TXNL4A: variants seen among roughly 807,000 people sequenced by gnomAD.
TXNL4A encodes the protein thioredoxin like 4A.
A neutral mutation model predicts 14.6 loss-of-function variants in TXNL4A; 17 were observed. The ratio of observed to expected loss-of-function variants is 1.16; its 90% CI spans 0.80 to 1.74. TXNL4A has a LOEUF of 1.74. Ranked by LOEUF, TXNL4A falls within the 40% of genes most tolerant of loss-of-function variation. The probability of loss-of-function intolerance (pLI) is 0.00; values close to 1 mark genes in which losing one functional copy is unlikely to be tolerated. For missense variants in TXNL4A, 74 were observed against 195.2 expected (o/e 0.38, Z 3.70); for synonymous variants, 83 against 70.6 (o/e 1.18, Z -0.88).
At chr18:80,005,156 T>TG (rs2051721503) in intron 1 of TXNL4A, among the ~76,000 whole-genome samples, 1 of 152,182 alleles carries the variant, frequency 6.6e-6, no homozygotes, top group South Asian at 2.1e-4. Context: ...GATGATCTCC[T>TG]GGGGGAACAG....
rs1260290122 is a variant in TXNL4A at position 79,988,406 on chromosome 18, C to T, written c.-14G>A. 9 of 1,436,886 alleles carry T rather than the reference C, an allele frequency of 6.3e-6. No individual in the cohort carries two copies. 89.0% of individuals were successfully genotyped at this position (1,436,886 alleles called of 1,614,324 possible). ...CATGTACGACATGGCGGCCCGCGCG[C>T]TCGCCGCCGCCCAAGGCGGGGCGCC... On this transcript the variant is annotated 5_prime_UTR_variant, in exon 1 of 3. Coordinates refer to ENST00000269601, the MANE Select transcript of TXNL4A (RefSeq NM_006701.5).
At chr18:79,975,207 T>C (rs1251995450) in intron 2 of TXNL4A, among the ~76,000 whole-genome samples, 1 of 152,178 alleles carries the variant, frequency 6.6e-6, no homozygotes, top group East Asian at 1.9e-4. Flanking sequence ...CCCCTGCTAA[T>C]TTACTCAGCT....
rs537354627 is a variant in TXNL4A, at chr18:79,983,605, T to C, written c.153+4635A>G. On this transcript the variant is annotated intron_variant, in intron 1 of 2. Coordinates refer to ENST00000269601, the MANE Select transcript of TXNL4A (RefSeq NM_006701.5). ...CTGGGCAGTTGATTAGCACAACAAATTTTTGAAGTGTTTATTTTTACATTT... is the reference window on the plus strand; with the variant it reads ...CTGGGCAGTTGATTAGCACAACAAACTTTTGAAGTGTTTATTTTTACATTT... Among the ~76,000 whole-genome samples, 13 of 152,332 alleles carry C rather than the reference T, an allele frequency of 8.5e-5. No homozygotes were observed. In the South Asian group the frequency reaches 2.7e-3, roughly 32 times the overall value.
chr18:79,988,587 G>A (rs1363977385), upstream of TXNL4A: 8 of 477,634 alleles, frequency 1.7e-5, no homozygotes, highest in African/African-American at 1.6e-4. Context: ...CCGACGCCGT[G>A]CGTGCTGACG....
intron 2 of TXNL4A, among the ~76,000 whole-genome samples, chr18:79,975,782 C>T (rs931318448): frequency 3.3e-5 from 5 of 152,000 alleles, no homozygotes; most frequent in Admixed American, 3.3e-4. Flanking sequence ...AGCTCAAAAG[C>T]AACACACTCG....
In TXNL4A at chr18:79,988,507, A is replaced by C; in HGVS notation, c.-115T>G. The C allele has an allele frequency of 4.3e-6, 5 of 1,156,248 alleles. No individual in the cohort carries two copies. The highest frequency in any genetic ancestry group is 5.5e-6 in the Non-Finnish European group (5 of 914,988). 71.6% of individuals were successfully genotyped at this position (1,156,248 alleles called of 1,614,324 possible). On this transcript the variant is annotated 5_prime_UTR_variant, in exon 1 of 3. Transcript: ENST00000269601. Reference sequence around the variant, plus strand: ...CGCCGCCCCCGGGCCCACGGACGAAATCCGGTCCCGCCCGCACACGCAAAC... The same window carrying C: ...CGCCGCCCCCGGGCCCACGGACGAACTCCGGTCCCGCCCGCACACGCAAAC...
rs143167677 is a variant in TXNL4A at position 80,029,907 on chromosome 18, T to C, written c.-61+3944A>G. On this transcript the variant is annotated intron_variant, in intron 1 of 2. Coordinates refer to the TXNL4A transcript ENST00000585474. ...AAGATTTGATAAAGAATTCCTTTCA[T>C]AGTGTGCTCCATGAAGATAAGGTGC... 1.6e-4 allele frequency among the ~76,000 whole-genome samples: 25 copies of C among 152,336 alleles called. No individual in the cohort carries two copies. In the East Asian group the frequency reaches 4.2e-3, roughly 26 times the overall value.
chr18:80,006,849 C>T (rs2051734626), intron 1 of TXNL4A, among the ~76,000 whole-genome samples: 1 of 152,140 alleles, frequency 6.6e-6, no homozygotes. Flanking sequence ...ACCAGGTGTG[C>T]CATTTACATA....
In TXNL4A at chr18:80,011,754, C is replaced by T. The variant is rs942792458; in HGVS notation, c.-61+22097G>A. Among the ~76,000 whole-genome samples the T allele has an allele frequency of 2.0e-5, 3 of 152,018 alleles. No individual in the cohort carries two copies. Among genetic ancestry groups the T allele is most frequent in the Non-Finnish European group, 2.9e-5 (2 of 68,014 alleles). ...TCCTGAAACCCACTCCCACCTTTTC[C>T]GTCCCTATAAGTTAAAGATCTTTTT... On this transcript the variant is annotated intron_variant, in intron 1 of 2. Transcript: ENST00000585474. This position sits in a 1 kb window ranked among gnomAD's most constrained non-coding sequence, Gnocchi z 4.1.
intron 2 of TXNL4A, chr18:79,976,930 A>C: frequency 2.8e-6 from 1 of 360,200 alleles, no homozygotes; most frequent in African/African-American, 2.2e-5. Context: ...AGGACACCGA[A>C]GTTGATGATA....
intron 1 of TXNL4A, among the ~76,000 whole-genome samples, chr18:80,001,636 G>A (rs546284387): frequency 2.0e-5 from 3 of 152,332 alleles, no homozygotes; most frequent in Middle Eastern, 3.4e-3. Flanking sequence ...GAGACATGGT[G>A]TCAAAGGAGG....
At chr18:80,003,130 T>C (rs1436434558) in intron 1 of TXNL4A, among the ~76,000 whole-genome samples, 2 of 152,260 alleles carry the variant, frequency 1.3e-5, no homozygotes, top group African/African-American at 4.8e-5. Flanking sequence ...TCTGCTGTCT[T>C]GGCTCCTGGG....
At chr18:79,997,244 C>G (rs936002374) in intron 1 of TXNL4A, among the ~76,000 whole-genome samples, 2 of 151,896 alleles carry the variant, frequency 1.3e-5, no homozygotes, top group Non-Finnish European at 2.9e-5. Context: ...CCTGAAGAAC[C>G]CCCTACCCAA....
intron 1 of TXNL4A, among the ~76,000 whole-genome samples, chr18:80,013,468 T>G (rs1314109285): frequency 6.6e-6 from 1 of 151,398 alleles, no homozygotes; most frequent in Non-Finnish European, 1.5e-5. Context: ...GGAGTCTCAC[T>G]CTGTTGCCCA....
At position 79,973,608 on chromosome 18, in the gene TXNL4A, CAAAGGCTTTAAATAGCTTA is replaced by C. The variant is rs1177124054; in HGVS notation, c.*58_*76del. On this transcript the variant is annotated 3_prime_UTR_variant, in exon 3 of 3. Transcript: ENST00000269601. ...CAGCCCTGGAGCTTCCTGTATTTTC[CAAAGGCTTTAAATAGCTTA>C]AAACGTTTCCATACAAAAAGGGCTC... The C allele has an allele frequency of 3.3e-6, 5 of 1,512,968 alleles. No homozygotes were observed. In the East Asian group the frequency reaches 1.1e-4, roughly 35 times the overall value. The allele number at this position is 1,512,968 out of a possible 1,614,324, so 93.7% of individuals were successfully genotyped here. A position where few individuals can be genotyped will look rare whatever the true frequency, so the allele number is the denominator to read the frequency against.
intron 1 of TXNL4A, among the ~76,000 whole-genome samples, chr18:79,994,360 C>T (rs1309846743): frequency 6.6e-6 from 1 of 152,208 alleles, no homozygotes; most frequent in African/African-American, 2.4e-5. Flanking sequence ...AAGATCACCT[C>T]ACCTCCCTAC....
At chr18:80,010,605 T>C (rs2051763377) in intron 1 of TXNL4A, among the ~76,000 whole-genome samples, 2 of 152,220 alleles carry the variant, frequency 1.3e-5, no homozygotes, top group African/African-American at 4.8e-5. Context: ...AACATCTTCC[T>C]GGGAGCCCAC....
intron 1 of TXNL4A, among the ~76,000 whole-genome samples, chr18:80,015,355 A>AATT (rs60860228): frequency 0.32 from 47,805 of 148,298 alleles, 8,268 homozygotes; most frequent in South Asian, 0.5. Flanking sequence ...TTTTTTAAAA[A>AATT]ATTATTATTA....
intron 1 of TXNL4A, among the ~76,000 whole-genome samples, chr18:80,000,705 A>G (rs2051693010): frequency 6.6e-6 from 1 of 152,080 alleles, no homozygotes; most frequent in Admixed American, 6.6e-5. Flanking sequence ...CCCAGGCTGG[A>G]GTGCAGTGGC....
Sources: allele counts gnomAD v4.1 joint callset (sites outside exome capture counted in the v4.1 genomes callset), GRCh38; gene constraint gnomAD v4.1.1; non-coding constraint Gnocchi (gnomAD v3.1); transcripts MANE v1.5; gene names NCBI Gene and HGNC (gene_info 2026-07-23, HGNC 2026-07-21).